Variants in ARHGAP5 observed in about 807,000 individuals in gnomAD.
The protein encoded by ARHGAP5 is rho GTPase-activating protein 5.
In ARHGAP5, 23 loss-of-function variants were observed where a neutral mutation model predicts 116.6. That is an observed-to-expected ratio of 0.20 (90% CI 0.14 to 0.28). The LOEUF is 0.28. Among genes scored for constraint, ARHGAP5 ranks in the 10% least tolerant of loss-of-function variants. The pLI is 1.00. For synonymous variants in ARHGAP5, 574 were observed against 602.0 expected, an observed-to-expected ratio of 0.95 and a Z score of 0.68; for missense variants, 1,405 against 1,774.8, an observed-to-expected ratio of 0.79 and a Z score of 3.74.
chr14:32,110,693 G>A (rs1879248918), intron 2 of ARHGAP5, among the ~76,000 whole-genome samples: 3 of 152,272 alleles, frequency 2.0e-5, no homozygotes, highest in African/African-American at 4.8e-5. Flanking sequence ...AGGGAATGAT[G>A]GTAGAAGCAG....
Position 32,146,284 on chromosome 14 carries a change from A to T in ARHGAP5, c.3887A>T (p.Tyr1296Phe). 6.2e-7 allele frequency: 1 copy of T among 1,612,782 alleles called. No homozygotes were observed. Among genetic ancestry groups the T allele is most frequent in the Non-Finnish European group, 8.5e-7 (1 of 1,178,810 alleles). Residue 1296 changes from tyrosine (Y) to phenylalanine (F), a missense_variant, in exon 4 of 7, where the codon TAC becomes TTC. Coordinates refer to ENST00000345122, the MANE Select transcript of ARHGAP5 (RefSeq NM_001030055.2). ...EDTGLCTEGL[Y>F]RVSGNKTDQD... Reference sequence around the variant, plus strand: ...TTAGGGTTATGTACCGAAGGACTCTACCGTGTCAGCGGGAATAAAACTGAC... The same window carrying T: ...TTAGGGTTATGTACCGAAGGACTCTTCCGTGTCAGCGGGAATAAAACTGAC...
intron 3 of ARHGAP5, among the ~76,000 whole-genome samples, chr14:32,126,245 T>C (rs1210320823): frequency 3.9e-5 from 6 of 152,170 alleles, no homozygotes; most frequent in African/African-American, 1.4e-4. Flanking sequence ...GTTTGTTTTT[T>C]TGAGATGGAG....
At position 32,092,586 on chromosome 14, in the gene ARHGAP5, C is replaced by T. The variant is rs1166300472; in HGVS notation, c.1917C>T (p.Ala639=). The T allele has an allele frequency of 6.2e-7, 1 of 1,613,612 alleles. No homozygotes were observed. The highest frequency in any genetic ancestry group is 1.1e-5 in the South Asian group (1 of 90,954). The stretch of plus-strand genomic sequence containing the variant: ...AACTTGATCTTCGGCCGGTTGATGC[C>T]AAATCGCCTTACTTTTTGAGTCAGT... The part of the protein sequence containing the change: ...IYELDLRPVD[A]KSPYFLSQLW... The change falls in exon 2 of 7, where the codon GCC becomes GCT. Residue 639 remains alanine (A), a synonymous_variant. Transcript: ENST00000345122. The surrounding 1 kb of genome is among the most constrained non-coding windows in gnomAD (Gnocchi z 4.1).
intron 3 of ARHGAP5, among the ~76,000 whole-genome samples, chr14:32,122,519 G>A (rs1879938424): frequency 6.6e-6 from 1 of 152,178 alleles, no homozygotes; most frequent in South Asian, 2.1e-4. Context: ...TTTTGATGAA[G>A]AACATTTTGT....
intron 2 of ARHGAP5, among the ~76,000 whole-genome samples, chr14:32,108,880 T>C (rs986090627): frequency 6.6e-6 from 1 of 152,202 alleles, no homozygotes; most frequent in African/African-American, 2.4e-5. Flanking sequence ...TGTGTGAATC[T>C]ATTAAAATCA....
chr14:32,081,840 G>A (rs1422917317), intron 1 of ARHGAP5, among the ~76,000 whole-genome samples: 2 of 152,094 alleles, frequency 1.3e-5, no homozygotes, highest in Non-Finnish European at 2.9e-5. Context: ...CCTTTTCAGA[G>A]CCAAGGTAAT....
chr14:32,148,083 G>A (rs537116813), intron 4 of ARHGAP5, among the ~76,000 whole-genome samples: 85 of 152,252 alleles, frequency 5.6e-4, no homozygotes, highest in Non-Finnish European at 1.0e-3. Context: ...AACCCAGGAG[G>A]GGGAGGTTGC....
chr14:32,085,677 T>C (rs2041822148), intron 1 of ARHGAP5, among the ~76,000 whole-genome samples: 1 of 152,200 alleles, frequency 6.6e-6, no homozygotes, highest in Non-Finnish European at 1.5e-5. Context: ...GGGATAGTTA[T>C]TTGATTTAAA....
intron 3 of ARHGAP5, among the ~76,000 whole-genome samples, chr14:32,130,827 A>G (rs531416337): frequency 2.0e-5 from 3 of 152,300 alleles, no homozygotes; most frequent in Non-Finnish European, 4.4e-5. Context: ...CACCGCACCC[A>G]GCCTGTTTTC....
Position 32,082,450 on chromosome 14 carries a change from T to C in ARHGAP5, c.-169+5015T>C, listed in dbSNP as rs371687849. ...TTGCTGAAACTGATTAGTTTTTCATTAAGAAACACTGGCTTAATGTGTTGC... is the reference window on the plus strand; with the variant it reads ...TTGCTGAAACTGATTAGTTTTTCATCAAGAAACACTGGCTTAATGTGTTGC... On this transcript the variant is annotated intron_variant, in intron 1 of 6. Coordinates refer to ENST00000345122, the MANE Select transcript of ARHGAP5 (RefSeq NM_001030055.2). Among the ~76,000 whole-genome samples the C allele has an allele frequency of 3.6e-3, 551 of 152,322 alleles. 4 individuals are homozygous for C. Among genetic ancestry groups the C allele is most frequent in the African/African-American group, 0.013 (524 of 41,572 alleles).
chr14:32,080,460 A>T lies in ARHGAP5; in HGVS notation c.-169+3025A>T, dbSNP rs1302306955. 2.0e-5 allele frequency among the ~76,000 whole-genome samples: 3 copies of T among 152,002 alleles called. No individual in the cohort carries two copies. In the East Asian group the frequency reaches 5.8e-4, roughly 29 times the overall value. On this transcript the variant is annotated intron_variant, in intron 1 of 6. Transcript: ENST00000345122. ...TCTACTCCTGAACTTCAAAGTTAAA[A>T]AAAAAATTCCCCTTAAAAAAAAACA...
At chr14:32,144,302 C>T (rs1396156044) in intron 3 of ARHGAP5, among the ~76,000 whole-genome samples, 1 of 151,916 alleles carries the variant, frequency 6.6e-6, no homozygotes, top group Non-Finnish European at 1.5e-5. Flanking sequence ...GGTAAGATTA[C>T]AGGTGTGAGC....
chr14:32,114,943 T>G (rs937448540), intron 2 of ARHGAP5, among the ~76,000 whole-genome samples: 3 of 152,214 alleles, frequency 2.0e-5, no homozygotes, highest in Non-Finnish European at 1.5e-5. Context: ...TTGTCCAATT[T>G]GAAAACCAGT....
At chr14:32,147,209 T>C (rs1383697485) in intron 4 of ARHGAP5, among the ~76,000 whole-genome samples, 1 of 152,162 alleles carries the variant, frequency 6.6e-6, no homozygotes, top group East Asian at 1.9e-4. Context: ...TTTATAGTCT[T>C]AGAGTAAAGA....
intron 3 of ARHGAP5, among the ~76,000 whole-genome samples, chr14:32,133,387 G>C (rs1880611917): frequency 6.6e-6 from 1 of 152,116 alleles, no homozygotes; most frequent in South Asian, 2.1e-4. Flanking sequence ...CTCTCTGTCT[G>C]TTATTGGTGC....
At chr14:32,094,714 C>T (rs936484963) in intron 2 of ARHGAP5, among the ~76,000 whole-genome samples, 1 of 152,078 alleles carries the variant, frequency 6.6e-6, no homozygotes, top group Non-Finnish European at 1.5e-5. Flanking sequence ...TTCTGCCCTA[C>T]CAGTTTTGCG....
intron 5 of ARHGAP5, 47 bp from the exon 6 acceptor site, chr14:32,152,376 T>G (rs1293561984): frequency 1.2e-5 from 15 of 1,277,418 alleles, no homozygotes; most frequent in Non-Finnish European, 1.6e-5. Context: ...CAAATATTTT[T>G]AAATGTGTAA....
chr14:32,151,648 G>A (rs1040891114), intron 5 of ARHGAP5, among the ~76,000 whole-genome samples: 3 of 152,196 alleles, frequency 2.0e-5, no homozygotes, highest in African/African-American at 7.2e-5. Flanking sequence ...TTTGTTACAT[G>A]TTGTCTGTTA....
At chr14:32,106,204 C>G (rs111627289) in intron 2 of ARHGAP5, among the ~76,000 whole-genome samples, 9 of 152,310 alleles carry the variant, frequency 5.9e-5, no homozygotes, top group African/African-American at 2.2e-4. Flanking sequence ...TCACTGCAAC[C>G]TCTGCCTCCC....
Sources: gnomAD v4.1 joint callset for allele counts (sites outside exome capture counted in the v4.1 genomes callset) on GRCh38, gnomAD v4.1.1 for gene constraint, Gnocchi (gnomAD v3.1) non-coding constraint, MANE v1.5 for transcripts, NCBI Gene and HGNC (gene_info 2026-07-23, HGNC 2026-07-21) for gene names.